Variants in SH3D21 observed in about 807,000 individuals in gnomAD.
The protein encoded by SH3D21 is manchette microtubule inner protein 1.
Under a neutral mutation model 82.1 loss-of-function variants are expected in SH3D21, and 83 were observed. That is an observed-to-expected ratio of 1.01 (90% CI 0.85 to 1.21). The LOEUF (loss-of-function observed/expected upper bound fraction) is 1.21, where lower values mean the gene tolerates loss of function less well. Ranked by LOEUF, SH3D21 falls within the 50% of genes most tolerant of loss-of-function variation. The probability of loss-of-function intolerance (pLI) is 0.00; values close to 1 mark genes in which losing one functional copy is unlikely to be tolerated. For missense variants in SH3D21, 980 were observed against 962.1 expected (o/e 1.02, Z -0.25); for synonymous variants, 383 against 387.8 (o/e 0.99, Z 0.15).
chr1:36,317,150 G>A (rs1646358925), intron 10 of SH3D21, among the ~76,000 whole-genome samples: 1 of 152,168 alleles, frequency 6.6e-6, no homozygotes, highest in Non-Finnish European at 1.5e-5. Context: ...TTGACCATCT[G>A]GCTGCCAAAC....
chr1:36,329,091 G>A (rs1646569909), downstream of SH3D21: 2 of 152,238 alleles, frequency 1.3e-5, no homozygotes, highest in Admixed American at 1.3e-4. Flanking sequence ...TTTTCATAAT[G>A]CTTGCTGTTG....
chr1:36,306,416 A>G lies in SH3D21; in HGVS notation c.-5A>G. Reference sequence around the variant, plus strand: ...TGCCAGGCTCTGGAGGGCGCCCCGGAAACCATGGGTAAGTGCGGAGGCTTT... The same window carrying G: ...TGCCAGGCTCTGGAGGGCGCCCCGGGAACCATGGGTAAGTGCGGAGGCTTT... On this transcript the variant is annotated 5_prime_UTR_variant, in exon 1 of 16. Coordinates refer to ENST00000453908, the MANE Select transcript of SH3D21 (RefSeq NM_001162530.2). The surrounding 1 kb of genome is among the most constrained non-coding windows in gnomAD (Gnocchi z 4.5). 7.7e-7 allele frequency: 1 copy of G among 1,305,350 alleles called. No homozygotes were observed. The highest frequency in any genetic ancestry group is 1.5e-5 in the African/African-American group (1 of 65,984). 80.9% of individuals were successfully genotyped at this position (1,305,350 alleles called of 1,614,324 possible). A position where few individuals can be genotyped will look rare whatever the true frequency, so the allele number is the denominator to read the frequency against.
chr1:36,318,573 G>C (rs550864486), intron 10 of SH3D21, among the ~76,000 whole-genome samples: 3 of 151,946 alleles, frequency 2.0e-5, no homozygotes. Context: ...AGGAGTTCGA[G>C]ACCAGCCTGG....
At position 36,307,128 on chromosome 1, in the gene SH3D21, G is replaced by T; in HGVS notation, c.227-39G>T. 6.5e-7 allele frequency: 1 copy of T among 1,549,982 alleles called. No homozygotes were observed. Among genetic ancestry groups the T allele is most frequent in the Non-Finnish European group, 8.7e-7 (1 of 1,146,094 alleles). On this transcript the variant is annotated intron_variant, in intron 3 of 15. Coordinates refer to ENST00000453908, the MANE Select transcript of SH3D21 (RefSeq NM_001162530.2). The surrounding 1 kb of genome is among the most constrained non-coding windows in gnomAD (Gnocchi z 5.4). ...GCTTCCCCCAGCTCCTCTGACTGGG[G>T]CGTCCGACTGGAGCTCAGCCGCGCT...
At chr1:36,325,125 C>T (rs2124709899), downstream of SH3D21, among the ~76,000 whole-genome samples, 1 of 152,096 alleles carries the variant, frequency 6.6e-6, no homozygotes, top group South Asian at 2.1e-4. Flanking sequence ...CAACCTTTAC[C>T]TCCTGGGCTC....
At chr1:36,322,709 G>A (rs1280532336), downstream of SH3D21, 1 of 1,547,144 alleles carries the variant, frequency 6.5e-7, no homozygotes, top group Non-Finnish European at 8.7e-7. Flanking sequence ...AGTAGAGGCC[G>A]AAGCTCTCGG....
rs1266677361 is a variant in SH3D21 at position 36,306,410 on chromosome 1, C to T, written c.-11C>T. The T allele has an allele frequency of 4.6e-6, 6 of 1,305,288 alleles. No homozygotes were observed. The highest frequency in any genetic ancestry group is 6.1e-6 in the Non-Finnish European group (6 of 988,972). The allele number at this position is 1,305,288 out of a possible 1,614,324, so 80.9% of individuals were successfully genotyped here. On this transcript the variant is annotated 5_prime_UTR_variant, in exon 1 of 16. Transcript: ENST00000453908. The surrounding 1 kb of genome is among the most constrained non-coding windows in gnomAD (Gnocchi z 4.5). ...GGGAGCTGCCAGGCTCTGGAGGGCG[C>T]CCCGGAAACCATGGGTAAGTGCGGA... is the stretch of plus-strand genomic sequence containing the variant.
chr1:36,325,259 T>C (rs1459193973), downstream of SH3D21, among the ~76,000 whole-genome samples: 1 of 152,082 alleles, frequency 6.6e-6, no homozygotes, highest in Non-Finnish European at 1.5e-5. Flanking sequence ...CTTGAACTCC[T>C]GGGCTCAAGT....
intron 8 of SH3D21, 61 bp downstream of exon 8, chr1:36,308,270 C>A (rs532756550): frequency 6.9e-7 from 1 of 1,456,234 alleles, no homozygotes; most frequent in Non-Finnish European, 9.4e-7. Context: ...GGTAGACCTG[C>A]ACATGTACCC....
At chr1:36,309,417 G>T in intron 9 of SH3D21, 131 bp from the exon 10 acceptor site, 2 of 1,024,934 alleles carry the variant, frequency 2.0e-6, no homozygotes, top group Non-Finnish European at 1.4e-6. Flanking sequence ...AGCTGGTCTC[G>T]AACTTCTGTC....
rs2124669749 is a variant in SH3D21, at chr1:36,307,315, G to A, written c.345+30G>A. ...GGGGTGAGGTGATGGGACCGTTTGG[G>A]GGAGGATGATGGAACGCGCCTCCCT... On this transcript the variant is annotated intron_variant, in intron 4 of 15. Coordinates refer to ENST00000453908, the MANE Select transcript of SH3D21 (RefSeq NM_001162530.2). This position sits in a 1 kb window ranked among gnomAD's most constrained non-coding sequence, Gnocchi z 5.4. 1 of 1,550,686 alleles carries A rather than the reference G, an allele frequency of 6.4e-7. No individual in the cohort carries two copies. The highest frequency in any genetic ancestry group is 8.7e-7 in the Non-Finnish European group (1 of 1,146,060).
rs1163382920 is a variant in SH3D21, at chr1:36,320,482, A to T, written c.1819A>T (p.Asn607Tyr). The change falls in exon 14 of 16, where the codon AAC (asparagine) becomes TAC (tyrosine). Residue 607 changes from asparagine to tyrosine, a missense_variant. Transcript: ENST00000453908. ...ERTPEEEAPP[N>Y]EQRPLREEVL... is the part of the protein sequence containing the mutation. ...GACCCCTGAAGAGGAGGCGCCCCCC[A>T]ACGAGCAGAGGCCTCTGAGAGAGGA... The T allele has an allele frequency of 6.2e-7, 1 of 1,613,732 alleles. No individual in the cohort carries two copies. The highest frequency in any genetic ancestry group is 1.7e-5 in the Admixed American group (1 of 59,926).
chr1:36,327,207 C>G (rs567394114), downstream of SH3D21, among the ~76,000 whole-genome samples: 1 of 152,140 alleles, frequency 6.6e-6, no homozygotes, highest in Non-Finnish European at 1.5e-5. Context: ...CTGCCTTGGC[C>G]GAGATTTGAA....
downstream of SH3D21, chr1:36,322,459 C>A: frequency 6.2e-7 from 1 of 1,604,848 alleles, no homozygotes. Context: ...GACGTGAAGA[C>A]GTTGACGTTG....
chr1:36,327,658 T>A (rs925871670), downstream of SH3D21: 1 of 1,193,300 alleles, frequency 8.4e-7, no homozygotes, highest in African/African-American at 1.6e-5. Flanking sequence ...AGGGTTGAGA[T>A]GATGGTTGCT....
chr1:36,327,624 ACT>A (rs781041847), downstream of SH3D21: 29 of 1,177,270 alleles, frequency 2.5e-5, no homozygotes, highest in Non-Finnish European at 3.1e-5. Flanking sequence ...GTCAGGTATG[ACT>A]CAGCCCTAGT....
At chr1:36,322,810 G>C (rs954209080), downstream of SH3D21, 17 of 1,492,600 alleles carry the variant, frequency 1.1e-5, no homozygotes, top group African/African-American at 1.4e-4. Context: ...TTCTAGGTGT[G>C]GGGGCGAGGC....
At chr1:36,312,174 G>A (rs1420201126) in intron 10 of SH3D21, among the ~76,000 whole-genome samples, 4 of 151,838 alleles carry the variant, frequency 2.6e-5, no homozygotes, top group South Asian at 4.2e-4. Flanking sequence ...ACAGACGCCC[G>A]CTACCACGCC....
chr1:36,328,798 A>C (rs1226670990), downstream of SH3D21: 1 of 153,524 alleles, frequency 6.5e-6, no homozygotes, highest in Non-Finnish European at 1.4e-5. Flanking sequence ...CAGCAACAAC[A>C]AGAAAACAAT....
Sources: gnomAD v4.1 joint callset for allele counts (sites outside exome capture counted in the v4.1 genomes callset) on GRCh38, gnomAD v4.1.1 for gene constraint, Gnocchi (gnomAD v3.1) non-coding constraint, MANE v1.5 for transcripts, NCBI Gene and HGNC (gene_info 2026-07-23, HGNC 2026-07-21) for gene names.